Variants in FIGN observed in about 807,000 individuals in gnomAD.
The protein encoded by FIGN is fidgetin.
Under a neutral mutation model 51.3 loss-of-function variants are expected in FIGN, and 11 were observed. The ratio of observed to expected loss-of-function variants is 0.21; its 90% confidence interval spans 0.13 to 0.35. The LOEUF is 0.35. FIGN is among the 10% of genes least tolerant of loss of function. FIGN has a pLI of 1.00. For missense variants in FIGN, 857 were observed against 943.6 expected (o/e 0.91, Z 1.20); for synonymous variants, 407 against 363.2 (o/e 1.12, Z -1.37).
intron 2 of FIGN, among the ~76,000 whole-genome samples, chr2:163,614,656 A>C (rs1348436593): frequency 6.6e-6 from 1 of 152,186 alleles, no homozygotes; most frequent in African/African-American, 2.4e-5. Flanking sequence ...AAGTACAGGC[A>C]ATGGAATTTA....
chr2:163,635,079 T>C (rs1418453777), intron 2 of FIGN, among the ~76,000 whole-genome samples: 1 of 152,252 alleles, frequency 6.6e-6, no homozygotes, highest in African/African-American at 2.4e-5. Context: ...GAATGATTGA[T>C]ATTTGCTATT....
intron 2 of FIGN, among the ~76,000 whole-genome samples, chr2:163,629,671 T>A (rs543088562): frequency 6.6e-6 from 1 of 152,268 alleles, no homozygotes; most frequent in East Asian, 1.9e-4. Flanking sequence ...ATGTATTATC[T>A]ATGGTTGCTT....
intron 2 of FIGN, among the ~76,000 whole-genome samples, chr2:163,729,466 T>C (rs928877399): frequency 3.3e-5 from 5 of 152,110 alleles, no homozygotes; most frequent in African/African-American, 1.2e-4. Flanking sequence ...TAAAAAACTT[T>C]ACTGTATATT....
At chr2:163,647,871 G>A (rs1012288542) in intron 2 of FIGN, among the ~76,000 whole-genome samples, 8 of 152,080 alleles carry the variant, frequency 5.3e-5, no homozygotes, top group African/African-American at 1.9e-4. Context: ...GAAGCAAAGC[G>A]AAAGAGATAT....
At chr2:163,720,151 G>T (rs1198163057) in intron 2 of FIGN, among the ~76,000 whole-genome samples, 1 of 152,124 alleles carries the variant, frequency 6.6e-6, no homozygotes, top group Non-Finnish European at 1.5e-5. Flanking sequence ...TTTCCACAAT[G>T]TCCAGGTAAT....
intron 1 of FIGN, 107 bp from the exon 2 acceptor site, chr2:163,735,179 A>T (rs1684995239): frequency 2.0e-6 from 1 of 497,538 alleles, no homozygotes; most frequent in Non-Finnish European, 3.6e-6. Context: ...ATGCAAGTCC[A>T]TGTCAATTTC....
intron 2 of FIGN, among the ~76,000 whole-genome samples, chr2:163,654,062 C>G (rs1683520690): frequency 6.6e-6 from 1 of 152,048 alleles, no homozygotes; most frequent in Admixed American, 6.6e-5. Context: ...AAGTGAGAAT[C>G]TGGCTTGACC....
chr2:163,716,742 CT>C (rs1166562050), intron 2 of FIGN, among the ~76,000 whole-genome samples: 2 of 152,090 alleles, frequency 1.3e-5, no homozygotes, highest in Non-Finnish European at 2.9e-5. Context: ...TCATTTTCCC[CT>C]ATCATATTCA....
At chr2:163,722,982 C>T (rs1395358748) in intron 2 of FIGN, among the ~76,000 whole-genome samples, 4 of 151,608 alleles carry the variant, frequency 2.6e-5, no homozygotes, top group South Asian at 2.1e-4. Flanking sequence ...GTCAGGAGAT[C>T]GAGACCATCC....
intron 2 of FIGN, among the ~76,000 whole-genome samples, chr2:163,694,032 G>C (rs1684277911): frequency 6.6e-6 from 1 of 152,160 alleles, no homozygotes; most frequent in Non-Finnish European, 1.5e-5. Context: ...GGAAGAGCTG[G>C]AGCATCCAGC....
chr2:163,710,960 A>G (rs1362087622), intron 2 of FIGN, among the ~76,000 whole-genome samples: 2 of 152,164 alleles, frequency 1.3e-5, no homozygotes, highest in Non-Finnish European at 2.9e-5. Context: ...AATCTTTTCA[A>G]TTAATATAAA....
chr2:163,684,939 A>ATTTTTTTTTTT (rs548647272), intron 2 of FIGN, among the ~76,000 whole-genome samples: 3 of 119,454 alleles, frequency 2.5e-5, no homozygotes, highest in African/African-American at 3.1e-5. Flanking sequence ...ATGCCTGGCT[A>ATTTTTTTTTTT]TTTTTTTTTT....
intron 2 of FIGN, among the ~76,000 whole-genome samples, chr2:163,721,300 A>G (rs1684753460): frequency 6.6e-6 from 1 of 152,154 alleles, no homozygotes; most frequent in Non-Finnish European, 1.5e-5. Context: ...GCAAGCTACC[A>G]CTATAAGGTT....
intron 2 of FIGN, among the ~76,000 whole-genome samples, chr2:163,699,173 C>T (rs992685039): frequency 9.2e-5 from 14 of 152,088 alleles, no homozygotes; most frequent in African/African-American, 3.4e-4. Context: ...GCTTTGTGAG[C>T]TTAAATTTCA....
At chr2:163,671,421 A>C (rs1683873833) in intron 2 of FIGN, among the ~76,000 whole-genome samples, 1 of 151,550 alleles carries the variant, frequency 6.6e-6, no homozygotes, top group African/African-American at 2.4e-5. Flanking sequence ...GGTGGGAGGT[A>C]TGTATATTCT....
At chr2:163,655,381 A>C (rs771633942) in intron 2 of FIGN, among the ~76,000 whole-genome samples, 2 of 152,114 alleles carry the variant, frequency 1.3e-5, no homozygotes, top group Non-Finnish European at 2.9e-5. Flanking sequence ...ATGTGCTATG[A>C]CTCTAAAGGT....
At chr2:163,671,215 A>G (rs987418841) in intron 2 of FIGN, among the ~76,000 whole-genome samples, 1 of 152,186 alleles carries the variant, frequency 6.6e-6, no homozygotes, top group African/African-American at 2.4e-5. Flanking sequence ...CACTCTCTCA[A>G]TTGGCAAATA....
chr2:163,604,865 T>C lies in FIGN; in HGVS notation c.*4687A>G, dbSNP rs953836040. 7.4e-6 allele frequency: 1 copy of C among 134,896 alleles called. No individual in the cohort carries two copies. Among genetic ancestry groups the C allele is most frequent in the African/African-American group, 2.7e-5 (1 of 36,544 alleles). The allele number at this position is 134,896 out of a possible 1,614,324, so 8.4% of individuals were successfully genotyped here. ...GAGAGGAGAGGGATGGAGAGAAGAATGGTTGGGGAATGGGGGTAAAAGAGA... is the reference window on the plus strand; with the variant it reads ...GAGAGGAGAGGGATGGAGAGAAGAACGGTTGGGGAATGGGGGTAAAAGAGA... On this transcript the variant is annotated 3_prime_UTR_variant, in exon 3 of 3. Coordinates refer to ENST00000333129, the MANE Select transcript of FIGN (RefSeq NM_018086.4).
At position 163,608,366 on chromosome 2, in the gene FIGN, C is replaced by T. The variant is rs187289827; in HGVS notation, c.*1186G>A. ...CATTCTATCAAACAGCACGGCAAGTCTATAAGCTAGATTAGTGAATAGAAT... is the reference window on the plus strand; with the variant it reads ...CATTCTATCAAACAGCACGGCAAGTTTATAAGCTAGATTAGTGAATAGAAT... On this transcript the variant is annotated 3_prime_UTR_variant, in exon 3 of 3. Transcript: ENST00000333129. 2.6e-5 allele frequency: 4 copies of T among 152,604 alleles called. No homozygotes were observed. The highest frequency in any genetic ancestry group is 4.4e-5 in the Non-Finnish European group (3 of 68,186). The allele number at this position is 152,604 out of a possible 1,614,324, so 9.5% of individuals were successfully genotyped here.
Sources: allele counts gnomAD v4.1 joint callset (sites outside exome capture counted in the v4.1 genomes callset), GRCh38; gene constraint gnomAD v4.1.1; transcripts MANE v1.5; gene names NCBI Gene and HGNC (gene_info 2026-07-23, HGNC 2026-07-21).